The following SORCS1 variants were observed in gnomAD, a reference collection of about 807,000 sequenced individuals.
SORCS1 encodes VPS10 domain-containing receptor SorCS1.
In SORCS1, 60 loss-of-function variants were observed where a neutral mutation model predicts 146.1. The observed-to-expected ratio is 0.41, with a 90% CI of 0.33 to 0.51. The LOEUF is 0.51. Among genes scored for constraint, SORCS1 ranks in the 20% least tolerant of loss-of-function variants. The pLI is 0.21. For synonymous variants in SORCS1, 637 were observed against 584.0 expected (o/e 1.09, Z -1.31); for missense variants, 1,352 against 1,487.6 (o/e 0.91, Z 1.50).
At chr10:106,589,143 C>T (rs1845438456) in intron 24 of SORCS1, among the ~76,000 whole-genome samples, 1 of 152,158 alleles carries the variant, frequency 6.6e-6, no homozygotes, top group Admixed American at 6.5e-5. Context: ...GCAGAAGTCC[C>T]ACCATCCAAA....
chr10:107,063,065 C>G (rs181405023), intron 1 of SORCS1, among the ~76,000 whole-genome samples: 1 of 152,210 alleles, frequency 6.6e-6, no homozygotes, highest in African/African-American at 2.4e-5. Flanking sequence ...CTGTGAGACA[C>G]CACAAAGTTA....
At chr10:107,061,421 A>G (rs1196101901) in intron 1 of SORCS1, among the ~76,000 whole-genome samples, 1 of 152,186 alleles carries the variant, frequency 6.6e-6, no homozygotes, top group East Asian at 1.9e-4. Context: ...AGAACACACT[A>G]TTTTGTAGTA....
chr10:107,113,874 T>C (rs969133902), intron 1 of SORCS1, among the ~76,000 whole-genome samples: 3 of 151,734 alleles, frequency 2.0e-5, no homozygotes, highest in African/African-American at 7.3e-5. Flanking sequence ...GTTGGTTTTT[T>C]TGAAAAGATA....
chr10:106,590,148 C>G (rs901866675), intron 24 of SORCS1, among the ~76,000 whole-genome samples: 1 of 152,100 alleles, frequency 6.6e-6, no homozygotes, highest in African/African-American at 2.4e-5. Context: ...CCATATAATT[C>G]CACCTTTCTG....
chr10:106,793,509 A>G (rs1339809506), intron 3 of SORCS1, among the ~76,000 whole-genome samples: 1 of 152,240 alleles, frequency 6.6e-6, no homozygotes, highest in Non-Finnish European at 1.5e-5. Context: ...GAGAAAGAGT[A>G]TAGCTCATTC....
At position 106,840,841 on chromosome 10, in the gene SORCS1, TTA is replaced by T. The variant is rs1292497131; in HGVS notation, c.627-11170_627-11169del. Among the ~76,000 whole-genome samples the T allele has an allele frequency of 3.6e-3, 412 of 113,838 alleles. 3 individuals are homozygous for T. Among genetic ancestry groups the T allele is most frequent in the African/African-American group, 0.013 (360 of 28,716 alleles). 74.7% of individuals were successfully genotyped at this position (113,838 alleles called of 152,430 possible). A position where few individuals can be genotyped will look rare whatever the true frequency, so the allele number is the denominator to read the frequency against. On this transcript the variant is annotated intron_variant, in intron 2 of 25. Transcript: ENST00000263054. ...TAATAATTCACATTTTTTAGTTATA[TTA>T]TATATATATATATATATATATTTTT...
chr10:106,945,019 G>A (rs1296201150), intron 2 of SORCS1, among the ~76,000 whole-genome samples: 2 of 151,284 alleles, frequency 1.3e-5, no homozygotes, highest in East Asian at 1.9e-4. Context: ...CCGAGAGGCT[G>A]GGATTACAGG....
intron 2 of SORCS1, among the ~76,000 whole-genome samples, chr10:106,945,775 A>G (rs566864296): frequency 6.6e-6 from 1 of 152,296 alleles, no homozygotes; most frequent in African/African-American, 2.4e-5. Context: ...AAAGTGGGGA[A>G]CTCAGCAGGG....
chr10:106,777,869 G>A (rs528538887), intron 3 of SORCS1, among the ~76,000 whole-genome samples: 1 of 152,068 alleles, frequency 6.6e-6, no homozygotes, highest in Non-Finnish European at 1.5e-5. Flanking sequence ...TTATTAATTG[G>A]TACTTTCTGA....
intron 1 of SORCS1, among the ~76,000 whole-genome samples, chr10:107,080,926 C>A (rs988848944): frequency 2.6e-4 from 39 of 152,202 alleles, no homozygotes; most frequent in Admixed American, 1.1e-3. Flanking sequence ...ATGATTATAG[C>A]TAATATATTT....
chr10:106,728,033 G>T (rs1407838937), intron 6 of SORCS1, among the ~76,000 whole-genome samples: 5 of 134,822 alleles, frequency 3.7e-5, no homozygotes, highest in Non-Finnish European at 4.9e-5. Context: ...TGGGAAGTAA[G>T]CAAGACTTTT....
chr10:106,760,686 TACAC>T (rs1321515044), intron 5 of SORCS1, among the ~76,000 whole-genome samples: 2 of 140,436 alleles, frequency 1.4e-5, no homozygotes, highest in Non-Finnish European at 3.0e-5. Flanking sequence ...TAAGACTACA[TACAC>T]ACAAACACAC....
chr10:106,576,213 G>C lies in SORCS1; in HGVS notation c.*1207C>G, dbSNP rs765261469. ...CTGTGCAGGATGCAGCAAGGTCCATGGGCACAGAAGCTGGCATGCTTGGGA... is the reference window on the plus strand; with the variant it reads ...CTGTGCAGGATGCAGCAAGGTCCATCGGCACAGAAGCTGGCATGCTTGGGA... On this transcript the variant is annotated 3_prime_UTR_variant, in exon 26 of 26. Coordinates refer to ENST00000263054, the MANE Select transcript of SORCS1 (RefSeq NM_052918.5). 4 of 152,426 alleles carry C rather than the reference G, an allele frequency of 2.6e-5. No individual in the cohort carries two copies. The highest frequency in any genetic ancestry group is 4.8e-5 in the African/African-American group (2 of 41,462). 9.4% of individuals were successfully genotyped at this position (152,426 alleles called of 1,614,324 possible). A position where few individuals can be genotyped will look rare whatever the true frequency, so the allele number is the denominator to read the frequency against.
At chr10:107,094,984 G>C (rs1410413) in intron 1 of SORCS1, among the ~76,000 whole-genome samples, 82,753 of 152,018 alleles carry the variant, frequency 0.54, 23,413 homozygotes, top group African/African-American at 0.65. Context: ...CAGTCTTTCA[G>C]AGTGTCTCTC....
chr10:106,833,099 C>A (rs182636660), intron 2 of SORCS1, among the ~76,000 whole-genome samples: 1 of 152,154 alleles, frequency 6.6e-6, no homozygotes, highest in East Asian at 1.9e-4. Context: ...TTTACATTAG[C>A]AACATTTTTT....
intron 3 of SORCS1, among the ~76,000 whole-genome samples, chr10:106,795,021 A>C (rs900364774): frequency 3.9e-5 from 6 of 152,202 alleles, no homozygotes; most frequent in African/African-American, 1.4e-4. Flanking sequence ...ATAGCTATGA[A>C]ATGAGGCTAA....
chr10:106,889,446 A>T (rs1157192770), intron 2 of SORCS1, among the ~76,000 whole-genome samples: 1 of 152,132 alleles, frequency 6.6e-6, no homozygotes, highest in African/African-American at 2.4e-5. Flanking sequence ...GCCCCAGGTA[A>T]TTTGTGTGTC....
At chr10:106,659,755 T>C (rs1235182862) in intron 17 of SORCS1, among the ~76,000 whole-genome samples, 1 of 152,180 alleles carries the variant, frequency 6.6e-6, no homozygotes. Flanking sequence ...CCAAGGCCAT[T>C]GATGTGGGCA....
intron 1 of SORCS1, among the ~76,000 whole-genome samples, chr10:107,033,639 TAAGA>T (rs1359122359): frequency 6.6e-5 from 10 of 152,194 alleles, no homozygotes; most frequent in African/African-American, 2.4e-4. Context: ...AACAGTTCAA[TAAGA>T]TAGAGATTCC....
Sources: allele counts gnomAD v4.1 joint callset (sites outside exome capture counted in the v4.1 genomes callset), GRCh38; gene constraint gnomAD v4.1.1; transcripts MANE v1.5; gene names NCBI Gene and HGNC (gene_info 2026-07-23, HGNC 2026-07-21).